CCT4: variants seen among roughly 807,000 people sequenced by gnomAD.
CCT4 encodes the protein chaperonin containing TCP1 subunit 4.
A neutral mutation model predicts 62.5 loss-of-function variants in CCT4; 17 were observed. The observed-to-expected ratio is 0.27, with a 90% CI of 0.19 to 0.41. The LOEUF is 0.41. Ranked by LOEUF, CCT4 falls within the 10% of genes least tolerant of loss-of-function variation. CCT4 has a pLI of 1.00. For synonymous variants in CCT4, 250 were observed against 229.9 expected (o/e 1.09, Z -0.79); for missense variants, 592 against 659.2 (o/e 0.90, Z 1.12).
chr2:61,887,598 T>C lies in CCT4; in HGVS notation c.127+783A>G, dbSNP rs369401685. ...CCTGACTTTTCCTTCCAGATTTTTCTATTTCAACTCGATTTCTCTTAATCT... is the reference window on the plus strand; with the variant it reads ...CCTGACTTTTCCTTCCAGATTTTTCCATTTCAACTCGATTTCTCTTAATCT... On this transcript the variant is annotated intron_variant, in intron 1 of 13. Transcript: ENST00000394440. 1.1e-4 allele frequency among the ~76,000 whole-genome samples: 17 copies of C among 152,356 alleles called. No individual in the cohort carries two copies. The East Asian group carries it at 3.3e-3, about 29-fold the overall frequency.
rs143349699 is a variant in CCT4, at chr2:61,871,114, C to G, written c.1491+968G>C. ...TGGTGTGATGTTGGCTCACTGCAAC[C>G]TCTGCCTCCCCAGTTCAAGCGATTC... On this transcript the variant is annotated intron_variant, in intron 12 of 13. Coordinates refer to ENST00000394440, the MANE Select transcript of CCT4 (RefSeq NM_006430.4). Among the ~76,000 whole-genome samples, 1,040 of 151,568 alleles carry G rather than the reference C, an allele frequency of 6.9e-3. 12 individuals are homozygous for G. Among genetic ancestry groups the G allele is most frequent in the African/African-American group, 0.024 (979 of 41,278 alleles).
Position 61,876,088 on chromosome 2 carries a change from C to A in CCT4, c.917+7G>T, listed in dbSNP as rs762764315. On this transcript the variant is annotated splice_region_variant and intron_variant, in intron 8 of 13. Coordinates refer to ENST00000394440, the MANE Select transcript of CCT4 (RefSeq NM_006430.4). ...TTAAGGGATGAACAAAATAAATAGCCCCACACCTTAGAATAGATTTCTGTA... is the reference window on the plus strand; with the variant it reads ...TTAAGGGATGAACAAAATAAATAGCACCACACCTTAGAATAGATTTCTGTA... 1.0e-5 allele frequency: 16 copies of A among 1,580,412 alleles called. No homozygotes were observed. The highest frequency in any genetic ancestry group is 1.7e-5 in the Admixed American group (1 of 57,752).
intron 2 of CCT4, 30 bp downstream of exon 2, chr2:61,884,990 T>G (rs1553363268): frequency 6.5e-7 from 1 of 1,531,210 alleles, no homozygotes; most frequent in Non-Finnish European, 8.9e-7. Context: ...CAGTGCTCAA[T>G]TAGTAGTATT....
rs1342618019 is a variant in CCT4 at position 61,873,435 on chromosome 2, A to T, written c.918-142T>A. On this transcript the variant is annotated intron_variant, in intron 8 of 13. Transcript: ENST00000394440. ...AATGCTTTAGTTTACTAAGTTCGTA[A>T]GGTCAAAATTAAGATTTCCAATTCT... 5.2e-6 allele frequency: 3 copies of T among 579,952 alleles called. No homozygotes were observed. In the Admixed American group the frequency reaches 9.4e-5, roughly 18 times the overall value. The allele number at this position is 579,952 out of a possible 1,614,324, so 35.9% of individuals were successfully genotyped here. A position where few individuals can be genotyped will look rare whatever the true frequency, so the allele number is the denominator to read the frequency against.
At chr2:61,880,534 C>T (rs570425156) in intron 3 of CCT4, 140 bp from the exon 4 acceptor site, 14 of 612,618 alleles carry the variant, frequency 2.3e-5, no homozygotes, top group Non-Finnish European at 4.0e-5. Flanking sequence ...TTGTTGTCTA[C>T]CTTGGGTTTC....
intron 2 of CCT4, among the ~76,000 whole-genome samples, 172 bp downstream of exon 2, chr2:61,884,848 C>T (rs1291396422): frequency 1.3e-5 from 2 of 151,698 alleles, no homozygotes; most frequent in Admixed American, 1.3e-4. Flanking sequence ...GGATGGTCTC[C>T]AACTCCTGAC....
In CCT4 at chr2:61,888,370, G is replaced by A. The variant is rs1038822264; in HGVS notation, c.127+11C>T. ...CCCGCGGCGCCGCGGGTCAGGCCAT[G>A]AGAGTGATACCTTTGGCGGCGGAAA... is the stretch of plus-strand genomic sequence containing the variant. On this transcript the variant is annotated intron_variant, in intron 1 of 13. Coordinates refer to ENST00000394440, the MANE Select transcript of CCT4 (RefSeq NM_006430.4). The A allele has an allele frequency of 6.2e-7, 1 of 1,612,190 alleles. No individual in the cohort carries two copies. Among genetic ancestry groups the A allele is most frequent in the Non-Finnish European group, 8.5e-7 (1 of 1,179,206 alleles).
In CCT4 at chr2:61,868,465, A is replaced by T; in HGVS notation, c.*227T>A. On this transcript the variant is annotated 3_prime_UTR_variant, in exon 14 of 14. Coordinates refer to ENST00000394440, the MANE Select transcript of CCT4 (RefSeq NM_006430.4). Reference sequence around the variant, plus strand: ...TATTAGTTTTTATTAGTTTTTCAAAAGTATCAGAAATAACAGAATGTTGGG... The same window carrying T: ...TATTAGTTTTTATTAGTTTTTCAAATGTATCAGAAATAACAGAATGTTGGG... 1 of 484,436 alleles carries T rather than the reference A, an allele frequency of 2.1e-6. No homozygotes were observed. Among genetic ancestry groups the T allele is most frequent in the Non-Finnish European group, 3.7e-6 (1 of 272,496 alleles). The allele number at this position is 484,436 out of a possible 1,614,324, so 30.0% of individuals were successfully genotyped here. A position where few individuals can be genotyped will look rare whatever the true frequency, so the allele number is the denominator to read the frequency against.
chr2:61,882,019 T>C (rs901809680), intron 3 of CCT4, among the ~76,000 whole-genome samples: 1 of 151,830 alleles, frequency 6.6e-6, no homozygotes. Context: ...CTGCAACCTC[T>C]GCCTCCCCGG....
At chr2:61,880,513 T>C (rs1160209752) in intron 3 of CCT4, 119 bp from the exon 4 acceptor site, 4 of 657,156 alleles carry the variant, frequency 6.1e-6, no homozygotes, top group Non-Finnish European at 1.1e-5. Context: ...TGATTCCTGA[T>C]TTCTTCTGAT....
At chr2:61,877,539 A>G in intron 5 of CCT4, 25 bp from the exon 6 acceptor site, 1 of 1,346,246 alleles carries the variant, frequency 7.4e-7, no homozygotes, top group Non-Finnish European at 1.0e-6. Context: ...AAAAAAAAAA[A>G]GTTACCTTCA....
chr2:61,874,299 A>G (rs1413722789), intron 8 of CCT4, among the ~76,000 whole-genome samples: 2 of 152,116 alleles, frequency 1.3e-5, no homozygotes, highest in Non-Finnish European at 2.9e-5. Context: ...TGGCACATTA[A>G]TGGAGTAAAT....
chr2:61,879,794 C>A (rs60371849), intron 4 of CCT4, among the ~76,000 whole-genome samples: 59,685 of 150,810 alleles, frequency 0.4, 11,980 homozygotes, highest in Middle Eastern at 0.46. Flanking sequence ...CCAGGCTGGA[C>A]TGCAATGGCA....
intron 12 of CCT4, among the ~76,000 whole-genome samples, chr2:61,871,855 AAGCT>A (rs1019428853): frequency 3.1e-4 from 47 of 152,304 alleles, no homozygotes; most frequent in African/African-American, 1.1e-3. Flanking sequence ...AACTTGCTAA[AAGCT>A]AGTCAGTAAG....
At chr2:61,871,025 T>G (rs995971575) in intron 12 of CCT4, among the ~76,000 whole-genome samples, 1 of 151,510 alleles carries the variant, frequency 6.6e-6, no homozygotes, top group African/African-American at 2.4e-5. Flanking sequence ...CCTCATTCTA[T>G]TAATAGTTTT....
chr2:61,875,996 G>C (rs1475888075), intron 8 of CCT4, 99 bp downstream of exon 8: 19 of 695,054 alleles, frequency 2.7e-5, no homozygotes, highest in Middle Eastern at 3.3e-4. Flanking sequence ...TACGAACTTA[G>C]AGTAAGTGCT....
chr2:61,888,184 C>G lies in CCT4; in HGVS notation c.127+197G>C, dbSNP rs995457127. 4 of 621,824 alleles carry G rather than the reference C, an allele frequency of 6.4e-6. No individual in the cohort carries two copies. The African/African-American group carries it at 7.5e-5, about 12-fold the overall frequency. 38.5% of individuals were successfully genotyped at this position (621,824 alleles called of 1,614,324 possible). ...ATTAAGATGCAAAATGGGGCAAGTC[C>G]AAAGGCCTCCATACTCCGGGTTGGC... On this transcript the variant is annotated intron_variant, in intron 1 of 13. Coordinates refer to ENST00000394440, the MANE Select transcript of CCT4 (RefSeq NM_006430.4).
intron 3 of CCT4, among the ~76,000 whole-genome samples, chr2:61,882,174 C>G (rs1669133246): frequency 6.6e-6 from 1 of 152,104 alleles, no homozygotes; most frequent in South Asian, 2.1e-4. Context: ...CTCAGGTGAT[C>G]CACCCGCCTC....
chr2:61,875,432 T>G (rs1370281318), intron 8 of CCT4, among the ~76,000 whole-genome samples: 1 of 151,296 alleles, frequency 6.6e-6, no homozygotes, highest in African/African-American at 2.4e-5. Flanking sequence ...TACAAAAAAT[T>G]AGCCAGGTGT....
Sources: allele counts gnomAD v4.1 joint callset (sites outside exome capture counted in the v4.1 genomes callset), GRCh38; gene constraint gnomAD v4.1.1; transcripts MANE v1.5; gene names NCBI Gene and HGNC (gene_info 2026-07-23, HGNC 2026-07-21).